VDAC2: variants seen among roughly 807,000 people sequenced by gnomAD.
The protein encoded by VDAC2 is non-selective voltage-gated ion channel VDAC2.
Under a neutral mutation model 36.6 loss-of-function variants are expected in VDAC2, and 6 were observed. The ratio of observed to expected loss-of-function variants is 0.16; its 90% CI spans 0.09 to 0.32. The LOEUF (loss-of-function observed/expected upper bound fraction) is 0.32. Ranked by LOEUF, VDAC2 falls within the 10% of genes least tolerant of loss-of-function variation. The pLI is 1.00. For missense variants in VDAC2, 247 were observed against 346.0 expected, an observed-to-expected ratio of 0.71 and a Z score of 2.27; for synonymous variants, 109 against 123.8, an observed-to-expected ratio of 0.88 and a Z score of 0.79.
At chr10:75,229,175 T>C (rs1027674988) in intron 8 of VDAC2, 2 of 152,198 alleles carry the variant, frequency 1.3e-5, no homozygotes, top group African/African-American at 4.8e-5. Flanking sequence ...TTTTTTTTTT[T>C]TTAAACATTC....
intron 4 of VDAC2, among the ~76,000 whole-genome samples, chr10:75,215,733 T>C (rs75746884): frequency 6.6e-6 from 1 of 150,768 alleles, no homozygotes; most frequent in East Asian, 1.9e-4. Context: ...TTTTTTTTTT[T>C]TCCTCTGAGA....
intron 8 of VDAC2, among the ~76,000 whole-genome samples, chr10:75,223,264 C>T (rs1269740005): frequency 6.6e-6 from 1 of 152,190 alleles, no homozygotes; most frequent in Non-Finnish European, 1.5e-5. Context: ...AGGCATGAGA[C>T]ACCACAGCTG....
chr10:75,230,681 TTC>T (rs1445386739), intron 9 of VDAC2, among the ~76,000 whole-genome samples: 4 of 152,194 alleles, frequency 2.6e-5, no homozygotes, highest in African/African-American at 9.7e-5. Context: ...ATTAAAACAT[TTC>T]TCTGTGACTT....
chr10:75,229,388 G>A (rs1004836326), intron 8 of VDAC2: 2 of 319,412 alleles, frequency 6.3e-6, no homozygotes, highest in African/African-American at 4.3e-5. Flanking sequence ...CTTTTGTGCT[G>A]TATGGACAGT....
chr10:75,211,002 C>A, intron 1 of VDAC2, 64 bp downstream of exon 1: 3 of 838,860 alleles, frequency 3.6e-6, no homozygotes, highest in Middle Eastern at 2.4e-4. Flanking sequence ...GCCGGAGGCC[C>A]GCGCCGGACT....
Position 75,211,209 on chromosome 10 carries a change from C to T in VDAC2, c.31+20C>T, listed in dbSNP as rs779607072. 3 of 1,612,042 alleles carry T rather than the reference C, an allele frequency of 1.9e-6. No homozygotes were observed. Among genetic ancestry groups the T allele is most frequent in the East Asian group, 2.2e-5 (1 of 44,782 alleles). ...CGCGTCGTAAGTAAAGCTGGGATCTCTGCGGGATGGGGCGGCGGAGAGTCG... is the reference window on the plus strand; with the variant it reads ...CGCGTCGTAAGTAAAGCTGGGATCTTTGCGGGATGGGGCGGCGGAGAGTCG... On this transcript the variant is annotated intron_variant, in intron 2 of 9. Transcript: ENST00000332211.
intron 8 of VDAC2, among the ~76,000 whole-genome samples, chr10:75,228,564 C>A (rs1842023952): frequency 1.3e-5 from 2 of 152,198 alleles, no homozygotes; most frequent in South Asian, 4.1e-4. Flanking sequence ...CTGTTTTTTT[C>A]TTTAGATGGT....
chr10:75,223,538 A>G (rs1841878711), intron 8 of VDAC2, among the ~76,000 whole-genome samples: 1 of 152,064 alleles, frequency 6.6e-6, no homozygotes, highest in South Asian at 2.1e-4. Context: ...GTTAGCTGCC[A>G]CTCCAATTCA....
At chr10:75,212,788 T>C (rs1296519605) in intron 3 of VDAC2, among the ~76,000 whole-genome samples, 1 of 152,146 alleles carries the variant, frequency 6.6e-6, no homozygotes, top group African/African-American at 2.4e-5. Context: ...TCCCCCAATT[T>C]CCCAAAATTT....
intron 8 of VDAC2, among the ~76,000 whole-genome samples, 157 bp downstream of exon 8, chr10:75,222,559 A>G (rs1490488152): frequency 2.6e-5 from 4 of 152,252 alleles, no homozygotes; most frequent in African/African-American, 9.6e-5. Flanking sequence ...TGATGGATAC[A>G]GTGTTAGACG....
chr10:75,230,708 A>G (rs1373059170), intron 9 of VDAC2, among the ~76,000 whole-genome samples, 190 bp from the exon 10 acceptor site: 1 of 152,192 alleles, frequency 6.6e-6, no homozygotes, highest in African/African-American at 2.4e-5. Flanking sequence ...CCTTAGCTAG[A>G]ATGGTAACCC....
chr10:75,217,956 G>A (rs746247388), intron 4 of VDAC2: 11 of 1,288,028 alleles, frequency 8.5e-6, no homozygotes, highest in Non-Finnish European at 1.1e-5. Context: ...GCTTGGCGTG[G>A]TGATGCTTGT....
chr10:75,227,072 C>T (rs1320599824), intron 8 of VDAC2, among the ~76,000 whole-genome samples: 2 of 152,112 alleles, frequency 1.3e-5, no homozygotes, highest in Non-Finnish European at 2.9e-5. Flanking sequence ...CACCCCAGCT[C>T]CACAGGGATG....
chr10:75,215,983 G>A (rs747886302), intron 4 of VDAC2, among the ~76,000 whole-genome samples: 1 of 152,248 alleles, frequency 6.6e-6, no homozygotes, highest in African/African-American at 2.4e-5. Flanking sequence ...TGGGATTACA[G>A]GCGTGAGCCA....
At chr10:75,224,958 A>G (rs1841911593) in intron 8 of VDAC2, among the ~76,000 whole-genome samples, 2 of 152,242 alleles carry the variant, frequency 1.3e-5, no homozygotes, top group Non-Finnish European at 2.9e-5. Flanking sequence ...AGGCAAAGCA[A>G]ATATCTCTAA....
chr10:75,211,150 G>C lies in VDAC2; in HGVS notation c.-9G>C. The C allele has an allele frequency of 1.9e-6, 3 of 1,611,254 alleles. No homozygotes were observed. The highest frequency in any genetic ancestry group is 2.5e-6 in the Non-Finnish European group (3 of 1,178,768). On this transcript the variant is annotated 5_prime_UTR_variant, in exon 2 of 10. Coordinates refer to ENST00000332211, the MANE Select transcript of VDAC2 (RefSeq NM_001391963.1). ...CTCCCGCAGATTCCCCTCTTCCCGC[G>C]GCCTCGCCATGGCGACCCACGGACA...
intron 3 of VDAC2, among the ~76,000 whole-genome samples, chr10:75,213,033 C>A (rs911486647): frequency 6.6e-6 from 1 of 152,078 alleles, no homozygotes; most frequent in Non-Finnish European, 1.5e-5. Flanking sequence ...TGGAAATACC[C>A]CATTGGCATA....
At chr10:75,226,311 C>T (rs1355225016) in intron 8 of VDAC2, among the ~76,000 whole-genome samples, 1 of 152,056 alleles carries the variant, frequency 6.6e-6, no homozygotes, top group Admixed American at 6.5e-5. Context: ...TGTCAAGTTC[C>T]TGGCTCACAG....
At position 75,220,987 on chromosome 10, in the gene VDAC2, T is replaced by C; in HGVS notation, c.584+17T>C. ...CACTAATGTGTAAGTATTTCTTTCA[T>C]AGGATACTGTGATGTGGGCCCTCAG... On this transcript the variant is annotated intron_variant, in intron 7 of 9. Coordinates refer to ENST00000332211, the MANE Select transcript of VDAC2 (RefSeq NM_001391963.1). 1.2e-6 allele frequency: 2 copies of C among 1,603,010 alleles called. No individual in the cohort carries two copies. The highest frequency in any genetic ancestry group is 1.7e-6 in the Non-Finnish European group (2 of 1,171,000).
Sources: gnomAD v4.1 joint callset for allele counts (sites outside exome capture counted in the v4.1 genomes callset) on GRCh38, gnomAD v4.1.1 for gene constraint, MANE v1.5 for transcripts, NCBI Gene and HGNC (gene_info 2026-07-23, HGNC 2026-07-21) for gene names.